Variants in ENTHD1 observed in about 807,000 individuals in gnomAD.
ENTHD1 encodes ENTH domain-containing protein 1.
In ENTHD1, 23 loss-of-function variants were observed where a neutral mutation model predicts 39.1. The ratio of observed to expected loss-of-function variants is 0.59; its 90% CI spans 0.42 to 0.83. ENTHD1 has a LOEUF of 0.83. Ranked by LOEUF, ENTHD1 falls within the 40% of genes least tolerant of loss-of-function variation. The pLI is 0.00. For missense variants in ENTHD1, 624 were observed against 705.4 expected, an observed-to-expected ratio of 0.88 and a Z score of 1.31; for synonymous variants, 230 against 258.2, an observed-to-expected ratio of 0.89 and a Z score of 1.05.
At chr22:39,873,049 T>C (rs1250380083) in intron 2 of ENTHD1, among the ~76,000 whole-genome samples, 2 of 151,908 alleles carry the variant, frequency 1.3e-5, no homozygotes, top group African/African-American at 4.8e-5. Flanking sequence ...GGTCTTGAAC[T>C]CCTGACCTCA....
At chr22:39,819,306 G>A (rs773182811) in intron 5 of ENTHD1, among the ~76,000 whole-genome samples, 1 of 151,592 alleles carries the variant, frequency 6.6e-6, no homozygotes, top group Non-Finnish European at 1.5e-5. Context: ...TGGAAGGTGC[G>A]GTGAGCCGAG....
At chr22:39,835,358 T>G (rs2037912809) in intron 4 of ENTHD1, among the ~76,000 whole-genome samples, 1 of 152,106 alleles carries the variant, frequency 6.6e-6, no homozygotes. Context: ...TTCAACAAAT[T>G]AAATATTGCC....
chr22:39,883,739 C>A (rs1407355324), intron 2 of ENTHD1, among the ~76,000 whole-genome samples: 2 of 151,182 alleles, frequency 1.3e-5, no homozygotes, highest in Admixed American at 6.6e-5. Flanking sequence ...CCTGTAGTCC[C>A]AGCTACTCGG....
At chr22:39,758,721 T>C (rs554518643) in intron 6 of ENTHD1, among the ~76,000 whole-genome samples, 1 of 152,304 alleles carries the variant, frequency 6.6e-6, no homozygotes, top group South Asian at 2.1e-4. Context: ...CCACCATATC[T>C]GGCCTAAAAA....
chr22:39,893,041 A>T (rs569887863), intron 1 of ENTHD1, among the ~76,000 whole-genome samples: 57 of 152,284 alleles, frequency 3.7e-4, no homozygotes, highest in Non-Finnish European at 6.8e-4. Context: ...CACAGTCCTC[A>T]CACCCTGGAG....
chr22:39,823,255 C>G (rs1291284638), intron 4 of ENTHD1, among the ~76,000 whole-genome samples: 1 of 152,074 alleles, frequency 6.6e-6, no homozygotes, highest in Non-Finnish European at 1.5e-5. Context: ...ATAGTTTAAC[C>G]TGTTAAAGGA....
At chr22:39,841,772 T>A (rs2065945943) in intron 3 of ENTHD1, among the ~76,000 whole-genome samples, 1 of 152,100 alleles carries the variant, frequency 6.6e-6, no homozygotes, top group Admixed American at 6.6e-5. Context: ...AATTTGATCC[T>A]GTCATGATGC....
chr22:39,887,132 C>T (rs1021628588), intron 2 of ENTHD1, among the ~76,000 whole-genome samples: 8 of 152,168 alleles, frequency 5.3e-5, no homozygotes, highest in African/African-American at 1.9e-4. Flanking sequence ...TTAAGTACAA[C>T]TCTTCCCCAC....
chr22:39,887,110 C>T (rs1178266338), intron 2 of ENTHD1, among the ~76,000 whole-genome samples: 1 of 152,120 alleles, frequency 6.6e-6, no homozygotes, highest in African/African-American at 2.4e-5. Context: ...AGAGGAAAGA[C>T]AGCTAGTACA....
At position 39,887,530 on chromosome 22, in the gene ENTHD1, T is replaced by G. The variant is rs1451741479; in HGVS notation, c.219A>C (p.Lys73Asn). Reference sequence around the variant, plus strand: ...TGAGATAATCCATTAGGGTAAGGGATTTATACACGTGGCGCCAGTTCTTCC... The same window carrying G: ...TGAGATAATCCATTAGGGTAAGGGAGTTATACACGTGGCGCCAGTTCTTCC... The part of the protein sequence containing the change: ...DHGKNWRHVY[K>N]SLTLMDYLIK... Residue 73 changes from lysine to asparagine, a missense_variant, in exon 2 of 7, where the codon AAA becomes AAC. Transcript: ENST00000325157. 1 of 1,614,086 alleles carries G rather than the reference T, an allele frequency of 6.2e-7. No individual in the cohort carries two copies. The highest frequency in any genetic ancestry group is 8.5e-7 in the Non-Finnish European group (1 of 1,180,052).
rs375623540 is a variant in ENTHD1, at chr22:39,824,128, G to A, written c.712-3015C>T. On this transcript the variant is annotated intron_variant, in intron 4 of 6. Coordinates refer to ENST00000325157, the MANE Select transcript of ENTHD1 (RefSeq NM_152512.4). ...TCCTCTTAACAGGGTCTTTTGCAGA[G>A]CAAACATTTTCAGTTTTGATGAGGT... Among the ~76,000 whole-genome samples, 386 of 149,902 alleles carry A rather than the reference G, an allele frequency of 2.6e-3. 1 individual carries two copies. The highest frequency in any genetic ancestry group is 9.0e-3 in the African/African-American group (368 of 40,808).
chr22:39,879,881 G>C (rs1299198225), intron 2 of ENTHD1, among the ~76,000 whole-genome samples: 1 of 152,198 alleles, frequency 6.6e-6, no homozygotes, highest in Non-Finnish European at 1.5e-5. Flanking sequence ...TTCAGTAGGT[G>C]AATGGATAAA....
intron 3 of ENTHD1, among the ~76,000 whole-genome samples, chr22:39,852,773 C>A (rs758728950): frequency 2.6e-5 from 4 of 152,146 alleles, no homozygotes; most frequent in Non-Finnish European, 4.4e-5. Flanking sequence ...TCTTATGGGA[C>A]CAGTATCATA....
At chr22:39,852,402 G>C (rs552877705) in intron 3 of ENTHD1, among the ~76,000 whole-genome samples, 14 of 152,120 alleles carry the variant, frequency 9.2e-5, no homozygotes, top group Non-Finnish European at 1.5e-4. Context: ...TTATTTCTGA[G>C]TAATTATATA....
chr22:39,794,613 T>C (rs143256203), intron 5 of ENTHD1, among the ~76,000 whole-genome samples: 14,906 of 151,866 alleles, frequency 0.098, 853 homozygotes, highest in Middle Eastern at 0.13. Flanking sequence ...CCATCCTGGC[T>C]AACATGGTGA....
At chr22:39,814,062 G>C (rs1292556446) in intron 5 of ENTHD1, among the ~76,000 whole-genome samples, 1 of 152,018 alleles carries the variant, frequency 6.6e-6, no homozygotes, top group African/African-American at 2.4e-5. Context: ...TGAATAGAAT[G>C]ATTGGATATC....
chr22:39,813,071 C>T (rs1317472731), intron 5 of ENTHD1, among the ~76,000 whole-genome samples: 1 of 152,182 alleles, frequency 6.6e-6, no homozygotes. Flanking sequence ...GTGTGAGACA[C>T]TGTGCCCGGC....
intron 2 of ENTHD1, among the ~76,000 whole-genome samples, chr22:39,866,455 A>C (rs1382083688): frequency 6.6e-6 from 1 of 152,196 alleles, no homozygotes; most frequent in Non-Finnish European, 1.5e-5. Context: ...GCTCTAAAGG[A>C]AATAAAGAAG....
At chr22:39,750,622 G>C (rs2065140571) in intron 6 of ENTHD1, 1 of 152,710 alleles carries the variant, frequency 6.5e-6, no homozygotes, top group Non-Finnish European at 1.5e-5. Flanking sequence ...TGGCTTGAAT[G>C]ATGGGCCCAT....
Sources: gnomAD v4.1 joint callset for allele counts (sites outside exome capture counted in the v4.1 genomes callset) on GRCh38, gnomAD v4.1.1 for gene constraint, MANE v1.5 for transcripts, NCBI Gene and HGNC (gene_info 2026-07-23, HGNC 2026-07-21) for gene names.